The following RAPGEF2 variants were observed in gnomAD, a reference collection of about 807,000 sequenced individuals.
RAPGEF2 encodes PDZ domain containing guanine nucleotide exchange factor (GEF) 1.
In RAPGEF2, 54 loss-of-function variants were observed where a neutral mutation model predicts 186.7. The ratio of observed to expected loss-of-function variants is 0.29; its 90% CI spans 0.23 to 0.36. The LOEUF (loss-of-function observed/expected upper bound fraction) is 0.36, where lower values mean the gene tolerates loss of function less well. Ranked by LOEUF, RAPGEF2 falls within the 10% of genes least tolerant of loss-of-function variation. The probability of loss-of-function intolerance (pLI) is 1.00; values close to 1 mark genes in which losing one functional copy is unlikely to be tolerated. For missense variants in RAPGEF2, 1,532 were observed against 2,045.0 expected, an observed-to-expected ratio of 0.75 and a Z score of 4.84; for synonymous variants, 712 against 705.9, an observed-to-expected ratio of 1.01 and a Z score of -0.14.
intron 1 of RAPGEF2, among the ~76,000 whole-genome samples, chr4:159,144,735 G>C (rs1268976097): frequency 6.6e-6 from 1 of 152,124 alleles, no homozygotes; most frequent in African/African-American, 2.4e-5. Context: ...CATTGCTGTT[G>C]CAAGAAGCTG....
intron 9 of RAPGEF2, among the ~76,000 whole-genome samples, chr4:159,317,414 G>A (rs542975347): frequency 1.2e-3 from 181 of 152,294 alleles, no homozygotes; most frequent in African/African-American, 4.3e-3. Context: ...CGCGTGATCA[G>A]CAAGTGAACA....
intron 1 of RAPGEF2, among the ~76,000 whole-genome samples, chr4:159,144,078 A>G (rs755939486): frequency 2.0e-5 from 3 of 152,196 alleles, no homozygotes; most frequent in African/African-American, 7.2e-5. Context: ...TTCCTTCTTT[A>G]GTCTCAGAGT....
chr4:159,332,245 CTT>C (rs1322096131), intron 16 of RAPGEF2, among the ~76,000 whole-genome samples: 1 of 151,830 alleles, frequency 6.6e-6, no homozygotes, highest in East Asian at 1.9e-4. Context: ...GTATACTACT[CTT>C]TTTAAACTTA....
intron 3 of RAPGEF2, among the ~76,000 whole-genome samples, chr4:159,193,576 C>G (rs1748335705): frequency 6.6e-6 from 1 of 152,040 alleles, no homozygotes; most frequent in South Asian, 2.1e-4. Context: ...AACATATATT[C>G]CCACAGCCAC....
intron 1 of RAPGEF2, among the ~76,000 whole-genome samples, chr4:159,172,681 A>C (rs1746037088): frequency 6.6e-6 from 1 of 152,220 alleles, no homozygotes; most frequent in Non-Finnish European, 1.5e-5. Context: ...GGGGAGGTAG[A>C]ACAGTTATCA....
chr4:159,247,755 CTTTTTTTTTTTTTT>C (rs56053207), intron 7 of RAPGEF2, among the ~76,000 whole-genome samples: 1 of 83,474 alleles, frequency 1.2e-5, no homozygotes, highest in Non-Finnish European at 2.2e-5. Context: ...TAATTTGTTT[CTTTTTTTTTTTTTT>C]TTTTTTTTTT....
At chr4:159,272,321 A>G (rs1758229737) in intron 7 of RAPGEF2, among the ~76,000 whole-genome samples, 1 of 152,146 alleles carries the variant, frequency 6.6e-6, no homozygotes, top group Non-Finnish European at 1.5e-5. Context: ...GCCCTCTATA[A>G]TCTACATTCT....
intron 1 of RAPGEF2, among the ~76,000 whole-genome samples, chr4:159,174,782 G>T: frequency 6.8e-6 from 1 of 146,244 alleles, no homozygotes. Context: ...TTTGAGATAG[G>T]GTCTTGCTCT....
At chr4:159,357,701 G>A (rs1184939165) in intron 29 of RAPGEF2, among the ~76,000 whole-genome samples, 1 of 151,998 alleles carries the variant, frequency 6.6e-6, no homozygotes, top group Non-Finnish European at 1.5e-5. Context: ...TAAATAAATA[G>A]AAAAACATTA....
intron 1 of RAPGEF2, among the ~76,000 whole-genome samples, chr4:159,141,288 C>G: frequency 6.6e-6 from 1 of 152,180 alleles, no homozygotes; most frequent in East Asian, 1.9e-4. Context: ...AATGCCCAGA[C>G]TGGGCAGTCG....
intron 9 of RAPGEF2, among the ~76,000 whole-genome samples, chr4:159,319,761 A>G (rs1579922845): frequency 2.7e-5 from 4 of 148,382 alleles, no homozygotes; most frequent in Admixed American, 2.7e-4. Flanking sequence ...GGTATCTTCT[A>G]TCCTGTGGTT....
intron 1 of RAPGEF2, among the ~76,000 whole-genome samples, chr4:159,149,059 CA>C (rs1489662740): frequency 6.6e-6 from 1 of 152,040 alleles, no homozygotes; most frequent in Non-Finnish European, 1.5e-5. Context: ...ATATGTTTCC[CA>C]AAATCAATTG....
chr4:159,293,274 C>T (rs1168031416), intron 7 of RAPGEF2, among the ~76,000 whole-genome samples: 9 of 152,156 alleles, frequency 5.9e-5, no homozygotes, highest in Non-Finnish European at 1.2e-4. Flanking sequence ...TTTATCACAT[C>T]GGTTTCTTTT....
At position 159,345,334 on chromosome 4, in the gene RAPGEF2, GT is replaced by G; in HGVS notation, c.3502+10del. ...GTGAGCCAGCAACCAACACATGTGA[GT>G]TTTTCCTTAAAGTGGCTGCAGACTT... On this transcript the variant is annotated splice_donor_region_variant and intron_variant, in intron 24 of 29. Transcript: ENST00000691494. 6.2e-7 allele frequency: 1 copy of G among 1,613,598 alleles called. No individual in the cohort carries two copies. Among genetic ancestry groups the G allele is most frequent in the Non-Finnish European group, 8.5e-7 (1 of 1,179,704 alleles).
intron 1 of RAPGEF2, among the ~76,000 whole-genome samples, chr4:159,156,382 A>G (rs1389714482): frequency 2.6e-5 from 4 of 152,118 alleles, no homozygotes; most frequent in Non-Finnish European, 5.9e-5. Flanking sequence ...AAAGAAAAGA[A>G]TCTCTGTTTA....
At chr4:159,267,791 CTTT>C (rs200359653) in intron 7 of RAPGEF2, 61 of 911,368 alleles carry the variant, frequency 6.7e-5, no homozygotes, top group Middle Eastern at 5.6e-4. Context: ...TAGCTTTTTT[CTTT>C]TTTTTTTTTT....
intron 4 of RAPGEF2, among the ~76,000 whole-genome samples, chr4:159,227,693 A>G (rs1561110655): frequency 6.6e-6 from 1 of 152,210 alleles, no homozygotes; most frequent in Non-Finnish European, 1.5e-5. Context: ...TTGCTGGTTT[A>G]GATTGTGGCA....
chr4:159,235,289 CTTG>C (rs1487279429), intron 4 of RAPGEF2, among the ~76,000 whole-genome samples: 5 of 152,150 alleles, frequency 3.3e-5, no homozygotes, highest in East Asian at 3.9e-4. Context: ...TATAATTTTA[CTTG>C]TTGTGTAAGC....
At position 159,331,551 on chromosome 4, in the gene RAPGEF2, GT is replaced by G. The variant is rs201209450; in HGVS notation, c.1575+21del. On this transcript the variant is annotated intron_variant, in intron 14 of 29. Coordinates refer to ENST00000691494, the MANE Select transcript of RAPGEF2 (RefSeq NM_001394067.2). ...TCTGGAAAGAGAGGTAATATTTGTG[GT>G]TTTTTTTAAGATCAGCTTAAAGTTC... The G allele has an allele frequency of 5.6e-6, 9 of 1,609,188 alleles. No individual in the cohort carries two copies. The highest frequency in any genetic ancestry group is 1.1e-5 in the South Asian group (1 of 90,800).
Sources: allele counts gnomAD v4.1 joint callset (sites outside exome capture counted in the v4.1 genomes callset), GRCh38; gene constraint gnomAD v4.1.1; transcripts MANE v1.5; gene names NCBI Gene and HGNC (gene_info 2026-07-23, HGNC 2026-07-21).